Variants in PRKG1 observed in about 807,000 individuals in gnomAD.
The protein encoded by PRKG1 is protein kinase cGMP-dependent 1, also known as cGMP-dependent protein kinase 1.
In PRKG1, 35 loss-of-function variants were observed where a neutral mutation model predicts 88.1. The observed-to-expected ratio is 0.40, with a 90% CI of 0.30 to 0.53. The LOEUF (loss-of-function observed/expected upper bound fraction) is 0.53, where lower values mean the gene tolerates loss of function less well. PRKG1 is among the 20% of genes least tolerant of loss of function. The probability of loss-of-function intolerance (pLI) is 0.59; values close to 1 mark genes in which losing one functional copy is unlikely to be tolerated. For missense variants in PRKG1, 540 were observed against 839.8 expected (o/e 0.64, Z 4.41); for synonymous variants, 303 against 292.5 (o/e 1.04, Z -0.37).
intron 5 of PRKG1, among the ~76,000 whole-genome samples, chr10:52,014,065 G>A (rs1232388266): frequency 1.3e-5 from 2 of 152,088 alleles, no homozygotes; most frequent in Non-Finnish European, 2.9e-5. Context: ...ACTAAACTTG[G>A]TGTCAGGAGT....
chr10:51,798,046 C>T (rs955082505), intron 3 of PRKG1, among the ~76,000 whole-genome samples: 3 of 152,026 alleles, frequency 2.0e-5, no homozygotes, highest in African/African-American at 7.2e-5. Context: ...ACTCATTCAT[C>T]CCTTGAAGGA....
At position 51,907,555 on chromosome 10, in the gene PRKG1, T is replaced by C. The variant is rs1243564281; in HGVS notation, c.747T>C (p.Ala249=). Residue 249 remains alanine, a synonymous_variant, in exon 5 of 18, where the codon GCT becomes GCC. Transcript: ENST00000373980. The part of the protein sequence containing the change: ...SLPEEILSKL[A]DVLEETHYEN... ...CTGAAGAGATCCTCAGCAAGCTTGC[T>C]GATGTCCTTGAAGAGGTAATTGTTT... The C allele has an allele frequency of 1.9e-6, 3 of 1,613,618 alleles. No individual in the cohort carries two copies. The highest frequency in any genetic ancestry group is 2.5e-6 in the Non-Finnish European group (3 of 1,179,738).
rs150978686 is a variant in PRKG1 at position 51,226,065 on chromosome 10, G to A, written c.478+72735G>A. Among the ~76,000 whole-genome samples, 949 of 152,192 alleles carry A rather than the reference G, an allele frequency of 6.2e-3. 9 individuals carry two copies. Among genetic ancestry groups the A allele is most frequent in the African/African-American group, 0.022 (894 of 41,522 alleles). On this transcript the variant is annotated intron_variant, in intron 2 of 17. Transcript: ENST00000373980. ...CTAAAATACAAAAAGTTAGCCAGGT[G>A]TGGTGGCAGGCACCTGTAGTCCCAG...
chr10:51,556,489 C>G (rs1837315064), intron 3 of PRKG1, among the ~76,000 whole-genome samples: 1 of 151,820 alleles, frequency 6.6e-6, no homozygotes, highest in Admixed American at 6.6e-5. Flanking sequence ...AACCTAGGTG[C>G]TCATCAATGG....
rs552604720 is a variant in PRKG1, at chr10:51,665,739, T to G, written c.593-138846T>G. On this transcript the variant is annotated intron_variant, in intron 3 of 17. Coordinates refer to ENST00000373980, the MANE Select transcript of PRKG1 (RefSeq NM_006258.4). ...TTTCTTGATCTCCTTCTTCCTTCAT[T>G]TTTTAAAATGTATGCTGCTCTGTAA... is the stretch of plus-strand genomic sequence containing the variant. Among the ~76,000 whole-genome samples the G allele has an allele frequency of 1.2e-4, 19 of 152,222 alleles. No individual in the cohort carries two copies. The East Asian group carries it at 3.5e-3, about 28-fold the overall frequency.
chr10:51,628,160 C>CTTTCTTTA (rs1554826973), intron 3 of PRKG1, among the ~76,000 whole-genome samples: 37 of 51,270 alleles, frequency 7.2e-4, no homozygotes, highest in African/African-American at 9.9e-4. Flanking sequence ...TTCTTTCTTT[C>CTTTCTTTA]TTTATTTATT....
At chr10:51,139,918 A>G (rs927038084) in intron 1 of PRKG1, among the ~76,000 whole-genome samples, 3 of 152,188 alleles carry the variant, frequency 2.0e-5, no homozygotes, top group Admixed American at 2.0e-4. Flanking sequence ...TCATTTCACT[A>G]AGAATTCAAT....
At chr10:52,065,303 G>A (rs1163976627) in intron 7 of PRKG1, among the ~76,000 whole-genome samples, 2 of 151,868 alleles carry the variant, frequency 1.3e-5, no homozygotes, top group African/African-American at 4.8e-5. Context: ...TTTTTCTATC[G>A]AATTTCAGGT....
intron 3 of PRKG1, among the ~76,000 whole-genome samples, chr10:51,711,382 G>A (rs1841746930): frequency 2.0e-5 from 3 of 152,166 alleles, no homozygotes; most frequent in Non-Finnish European, 4.4e-5. Context: ...AGGATTACAG[G>A]CGTGAGCCAC....
chr10:52,139,541 C>T (rs1837517682), intron 8 of PRKG1, among the ~76,000 whole-genome samples: 1 of 152,100 alleles, frequency 6.6e-6, no homozygotes, highest in African/African-American at 2.4e-5. Context: ...ATACTGAATC[C>T]ATGCTCTGGG....
intron 4 of PRKG1, among the ~76,000 whole-genome samples, chr10:51,889,067 T>G (rs1222984570): frequency 1.3e-5 from 2 of 151,562 alleles, no homozygotes; most frequent in African/African-American, 4.9e-5. Flanking sequence ...ATTCTTTTTT[T>G]TTTTTTTAAT....
chr10:51,105,303 A>C (rs1185183019), intron 1 of PRKG1, among the ~76,000 whole-genome samples: 1 of 152,250 alleles, frequency 6.6e-6, no homozygotes, highest in Non-Finnish European at 1.5e-5. Flanking sequence ...GACACCATTT[A>C]TGTAAAATCT....
chr10:50,993,413 C>A (rs12569866), intron 1 of PRKG1, among the ~76,000 whole-genome samples: 2,577 of 152,306 alleles, frequency 0.017, 33 homozygotes, highest in East Asian at 0.041. Context: ...ATTTTCCTTC[C>A]TTTTCTCAGG....
intron 2 of PRKG1, among the ~76,000 whole-genome samples, chr10:51,205,197 T>A (rs1204629056): frequency 7.3e-6 from 1 of 136,262 alleles, no homozygotes; most frequent in Non-Finnish European, 1.5e-5. Flanking sequence ...GGGAGTGCAG[T>A]GGTGCAATCT....
chr10:51,011,445 G>A (rs1264212251), intron 1 of PRKG1, among the ~76,000 whole-genome samples: 1 of 152,104 alleles, frequency 6.6e-6, no homozygotes, highest in Non-Finnish European at 1.5e-5. Context: ...AATGTTTAAC[G>A]AAGAATTAAT....
At chr10:51,997,212 T>C (rs3101704) in intron 5 of PRKG1, among the ~76,000 whole-genome samples, 136,530 of 152,066 alleles carry the variant, frequency 0.9, 61,432 homozygotes, top group East Asian at 1. Context: ...GTGGCTCACA[T>C]CTGTAATCCC....
At chr10:51,101,159 G>GGTCCT (rs1844671226) in intron 1 of PRKG1, among the ~76,000 whole-genome samples, 1 of 152,106 alleles carries the variant, frequency 6.6e-6, no homozygotes, top group East Asian at 1.9e-4. Flanking sequence ...TTTATTTGGA[G>GGTCCT]ATAGGACCTA....
At chr10:51,240,232 A>G (rs1839116278) in intron 2 of PRKG1, among the ~76,000 whole-genome samples, 1 of 152,218 alleles carries the variant, frequency 6.6e-6, no homozygotes, top group Admixed American at 6.5e-5. Flanking sequence ...AGTGCTCAAG[A>G]ACATTCATTG....
At chr10:51,969,446 C>T (rs1188264865) in intron 5 of PRKG1, among the ~76,000 whole-genome samples, 1 of 152,134 alleles carries the variant, frequency 6.6e-6, no homozygotes, top group African/African-American at 2.4e-5. Flanking sequence ...AATTATTCCT[C>T]AGAGAATAAG....
Sources: allele counts gnomAD v4.1 joint callset (sites outside exome capture counted in the v4.1 genomes callset), GRCh38; gene constraint gnomAD v4.1.1; transcripts MANE v1.5; gene names NCBI Gene and HGNC (gene_info 2026-07-23, HGNC 2026-07-21).